The following CACNA1C variants were observed in gnomAD, a reference collection of about 807,000 sequenced individuals.
The protein encoded by CACNA1C is voltage-dependent L-type calcium channel subunit alpha-1C.
In CACNA1C, 30 loss-of-function variants were observed where a neutral mutation model predicts 229.0. The ratio of observed to expected loss-of-function variants is 0.13; its 90% CI spans 0.10 to 0.18. CACNA1C has a LOEUF of 0.18. Ranked by LOEUF, CACNA1C falls within the 10% of genes least tolerant of loss-of-function variation. CACNA1C has a pLI of 1.00. For synonymous variants in CACNA1C, 1,114 were observed against 1,132.5 expected, an observed-to-expected ratio of 0.98 and a Z score of 0.33; for missense variants, 1,658 against 2,845.0, an observed-to-expected ratio of 0.58 and a Z score of 9.49.
At chr12:2,177,569 C>CTTTCCT (rs2096686598) in intron 3 of CACNA1C, among the ~76,000 whole-genome samples, 2 of 52,874 alleles carry the variant, frequency 3.8e-5, no homozygotes, top group African/African-American at 2.0e-4. Flanking sequence ...CCTTCCCTCC[C>CTTTCCT]TCCCTCCCTC....
chr12:2,216,225 G>C (rs886259764), intron 3 of CACNA1C, among the ~76,000 whole-genome samples: 1 of 152,134 alleles, frequency 6.6e-6, no homozygotes, highest in South Asian at 2.1e-4. Flanking sequence ...TGCCTCAGTC[G>C]GGCACTGGAT....
At chr12:2,593,141 G>A in intron 18 of CACNA1C, 72 bp from the exon 19 acceptor site, 2 of 1,522,960 alleles carry the variant, frequency 1.3e-6, no homozygotes, top group Non-Finnish European at 1.8e-6. Context: ...TCTGCCAGTA[G>A]GAAGGTCTCT....
chr12:2,584,424 C>T (rs569836198), intron 15 of CACNA1C, 79 bp from the exon 16 acceptor site: 18 of 952,690 alleles, frequency 1.9e-5, no homozygotes, highest in Admixed American at 1.3e-4. Flanking sequence ...CTACCCTGCA[C>T]GCCCCACATC....
intron 1 of CACNA1C, among the ~76,000 whole-genome samples, chr12:2,027,401 A>G (rs2047517653): frequency 6.6e-6 from 1 of 152,196 alleles, no homozygotes; most frequent in South Asian, 2.1e-4. Flanking sequence ...TTTAATGCTT[A>G]AATGCTTAAC....
intron 3 of CACNA1C, among the ~76,000 whole-genome samples, chr12:2,245,302 A>G (rs538303367): frequency 4.3e-4 from 66 of 152,296 alleles, no homozygotes; most frequent in African/African-American, 1.6e-3. Context: ...TCTCAGCTCC[A>G]TTCTCCATTG....
At chr12:1,978,032 T>A (rs974229216) in intron 1 of CACNA1C, among the ~76,000 whole-genome samples, 10 of 152,268 alleles carry the variant, frequency 6.6e-5, no homozygotes, top group Non-Finnish European at 1.0e-4. Flanking sequence ...AATTGACATT[T>A]AAAAAAATTG....
intron 18 of CACNA1C, among the ~76,000 whole-genome samples, chr12:2,588,603 T>G (rs2153270939): frequency 6.6e-6 from 1 of 152,318 alleles, no homozygotes; most frequent in East Asian, 1.9e-4. Flanking sequence ...AGGGGCCTGT[T>G]TCTAATTCAA....
At chr12:2,573,930 A>C (rs536067535) in intron 13 of CACNA1C, among the ~76,000 whole-genome samples, 22 of 152,354 alleles carry the variant, frequency 1.4e-4, no homozygotes, top group African/African-American at 5.1e-4. Context: ...GAGGAAAATG[A>C]ATTATTTACA....
At position 2,476,768 on chromosome 12, in the gene CACNA1C, T is replaced by C. The variant is rs7313847; in HGVS notation, c.758-9336T>C. Among the ~76,000 whole-genome samples, 730 of 152,320 alleles carry C rather than the reference T, an allele frequency of 4.8e-3. 3 individuals are homozygous for C. Among genetic ancestry groups the C allele is most frequent in the South Asian group, 8.5e-3 (41 of 4,830 alleles). ...TGCTAAGACAAGAACCCTCCTTTAG[T>C]GTTCCTCATACCATGTGTGGGATGC... On this transcript the variant is annotated intron_variant, in intron 5 of 46. Transcript: ENST00000399655.
At chr12:2,401,137 A>C (rs933665541) in intron 3 of CACNA1C, among the ~76,000 whole-genome samples, 8 of 152,144 alleles carry the variant, frequency 5.3e-5, no homozygotes, top group African/African-American at 1.9e-4. Flanking sequence ...CAGGGTCTGG[A>C]AGAGGCCAGA....
At position 2,633,438 on chromosome 12, in the gene CACNA1C, G is replaced by A. The variant is rs1469625628; in HGVS notation, c.3829-859G>A. Among the ~76,000 whole-genome samples, 1 of 152,166 alleles carries A rather than the reference G, an allele frequency of 6.6e-6. No individual in the cohort carries two copies. The highest frequency in any genetic ancestry group is 1.5e-5 in the Non-Finnish European group (1 of 68,034). ...GTGACCGAGGGAATGCGGGCAGTAG[G>A]GTTAGAGTGTCGCCTCCCTGCTGCT... On this transcript the variant is annotated intron_variant, in intron 29 of 46. Transcript: ENST00000399655. The surrounding 1 kb of genome is among the most constrained non-coding windows in gnomAD (Gnocchi z 5.8).
In CACNA1C at chr12:2,033,328, C is replaced by G. The variant is rs1381136314; in HGVS notation, c.139+62127C>G. 5.9e-5 allele frequency among the ~76,000 whole-genome samples: 9 copies of G among 152,166 alleles called. No individual in the cohort carries two copies. The East Asian group carries it at 1.7e-3, about 29-fold the overall frequency. On this transcript the variant is annotated intron_variant, in intron 1 of 46. Coordinates refer to the CACNA1C transcript ENST00000682462. ...GTCCGCCCATGTGCTCGGCCACCACCTGGCCTGCAAGTCTATCCTGGGATG... is the reference window on the plus strand; with the variant it reads ...GTCCGCCCATGTGCTCGGCCACCACGTGGCCTGCAAGTCTATCCTGGGATG...
At chr12:2,567,909 C>A in intron 13 of CACNA1C, 115 bp downstream of exon 13, 1 of 618,818 alleles carries the variant, frequency 1.6e-6, no homozygotes, top group Non-Finnish European at 2.9e-6. Context: ...CAAAGGGTGT[C>A]TCTGAAGTTC....
Position 2,608,849 on chromosome 12 carries a change from G to T in CACNA1C, c.3558+137G>T. The T allele has an allele frequency of 1.2e-6, 1 of 822,796 alleles. No homozygotes were observed. The highest frequency in any genetic ancestry group is 1.9e-6 in the Non-Finnish European group (1 of 526,532). 51.0% of individuals were successfully genotyped at this position (822,796 alleles called of 1,614,324 possible). On this transcript the variant is annotated intron_variant, in intron 27 of 46. Transcript: ENST00000399655. This position sits in a 1 kb window ranked among gnomAD's most constrained non-coding sequence, Gnocchi z 4.2. The stretch of plus-strand genomic sequence containing the variant: ...CGTCTCTCTATTCCTCAACCAGAGT[G>T]GGCTGTCAGTCTTTTTGAGGGACCT...
chr12:2,691,033 G>A lies in CACNA1C; in HGVS notation c.6251G>A (p.Gly2084Glu), dbSNP rs1381771539. Residue 2084 changes from glycine to glutamate, a missense_variant, in exon 47 of 47, where the codon GGG becomes GAG. Physicochemically the swap from Gly to Glu is moderately conservative, Grantham distance 98. Coordinates refer to ENST00000399655, the MANE Select transcript of CACNA1C (RefSeq NM_000719.7). ...MESAADNILSGGAPQSPNGAL... is the reference protein window; with the variant it reads ...MESAADNILSEGAPQSPNGAL... ...AGCGCGGCCGACAACATCCTCAGCG[G>A]GGGCGCCCCACAGAGCCCCAATGGC... 3.1e-6 allele frequency: 5 copies of A among 1,603,488 alleles called. No individual in the cohort carries two copies. Among genetic ancestry groups the A allele is most frequent in the Non-Finnish European group, 4.3e-6 (5 of 1,175,264 alleles).
chr12:2,573,159 C>G (rs34473378), intron 13 of CACNA1C, among the ~76,000 whole-genome samples: 4 of 152,170 alleles, frequency 2.6e-5, no homozygotes, highest in Non-Finnish European at 5.9e-5. Flanking sequence ...AAGTGATACT[C>G]CAGCCTCGTC....
chr12:2,401,590 G>A (rs1264103301), intron 3 of CACNA1C, among the ~76,000 whole-genome samples: 1 of 152,194 alleles, frequency 6.6e-6, no homozygotes, highest in Admixed American at 6.5e-5. Flanking sequence ...GAACAAACCC[G>A]AGAGCCAGAC....
chr12:2,421,954 C>T lies in CACNA1C; in HGVS notation c.478-27022C>T, dbSNP rs1595850423. 2.0e-5 allele frequency among the ~76,000 whole-genome samples: 3 copies of T among 152,068 alleles called. No individual in the cohort carries two copies. The South Asian group carries it at 6.2e-4, about 32-fold the overall frequency. Reference sequence around the variant, plus strand: ...CGCAATTCTCTGTCTCTTGTCATGGCCATGCTAGGACATGGGCAACCTGGT... The same window carrying T: ...CGCAATTCTCTGTCTCTTGTCATGGTCATGCTAGGACATGGGCAACCTGGT... On this transcript the variant is annotated intron_variant, in intron 3 of 46. Coordinates refer to ENST00000399655, the MANE Select transcript of CACNA1C (RefSeq NM_000719.7).
intron 29 of CACNA1C, among the ~76,000 whole-genome samples, chr12:2,618,099 C>G (rs2081524098): frequency 2.0e-5 from 3 of 152,182 alleles, no homozygotes; most frequent in African/African-American, 7.2e-5. Context: ...AGGTGTGGAC[C>G]TGCTGTTTTA....
Sources: gnomAD v4.1 joint callset for allele counts (sites outside exome capture counted in the v4.1 genomes callset) on GRCh38, gnomAD v4.1.1 for gene constraint, Gnocchi (gnomAD v3.1) non-coding constraint, MANE v1.5 for transcripts, NCBI Gene and HGNC (gene_info 2026-07-23, HGNC 2026-07-21) for gene names.